The following CEP128 variants were observed in gnomAD, a reference collection of about 807,000 sequenced individuals.
CEP128 encodes the protein centrosomal protein 128, also known as centrosomal protein 128kDa.
In CEP128, 132 loss-of-function variants were observed where a neutral mutation model predicts 156.7. The observed-to-expected ratio is 0.84, with a 90% CI of 0.73 to 0.97. The LOEUF is 0.97. Among genes scored for constraint, CEP128 ranks in the 50% least tolerant of loss-of-function variants. The pLI, the probability that CEP128 is intolerant of heterozygous loss-of-function variation, is 0.00. For missense variants in CEP128, 1,252 were observed against 1,281.9 expected, an observed-to-expected ratio of 0.98 and a Z score of 0.36; for synonymous variants, 469 against 448.9, an observed-to-expected ratio of 1.04 and a Z score of -0.57.
intron 19 of CEP128, among the ~76,000 whole-genome samples, chr14:80,593,620 A>G (rs1193358146): frequency 6.6e-6 from 1 of 152,110 alleles, no homozygotes; most frequent in Non-Finnish European, 1.5e-5. Flanking sequence ...CAACTTCAGC[A>G]AAGTCTCAGG....
intron 3 of CEP128, 48 bp downstream of exon 3, chr14:80,916,353 A>C (rs1174396967): frequency 6.9e-7 from 1 of 1,455,222 alleles, no homozygotes; most frequent in Admixed American, 1.8e-5. Context: ...ACTATTAAGC[A>C]GCTCAAACTA....
intron 9 of CEP128, among the ~76,000 whole-genome samples, chr14:80,843,827 T>G (rs1886461945): frequency 6.6e-6 from 1 of 151,726 alleles, no homozygotes. Flanking sequence ...CATGGAAACT[T>G]TAATTAAAAT....
At chr14:80,674,409 C>A (rs1895981402) in intron 19 of CEP128, among the ~76,000 whole-genome samples, 1 of 152,054 alleles carries the variant, frequency 6.6e-6, no homozygotes, top group Non-Finnish European at 1.5e-5. Context: ...AACAAGTGAT[C>A]CTTCAGTGTT....
chr14:80,519,279 C>A (rs1044821473), intron 23 of CEP128, among the ~76,000 whole-genome samples: 3 of 152,086 alleles, frequency 2.0e-5, no homozygotes, highest in Non-Finnish European at 2.9e-5. Flanking sequence ...CTTTCATAAC[C>A]CACATTGTAA....
intron 20 of CEP128, among the ~76,000 whole-genome samples, chr14:80,572,375 A>G (rs17110796): frequency 0.16 from 23,590 of 152,144 alleles, 1,924 homozygotes; most frequent in South Asian, 0.23. Flanking sequence ...ATTATTGCTG[A>G]GCATTTATTT....
intron 21 of CEP128, among the ~76,000 whole-genome samples, chr14:80,539,188 G>A (rs11847660): frequency 6.6e-6 from 1 of 151,932 alleles, no homozygotes; most frequent in East Asian, 1.9e-4. Context: ...AAACTAACAT[G>A]TTCATAAAAT....
At chr14:80,700,114 C>T (rs531732891) in intron 19 of CEP128, among the ~76,000 whole-genome samples, 62 of 152,240 alleles carry the variant, frequency 4.1e-4, no homozygotes, top group African/African-American at 1.3e-3. Context: ...AATACTATAA[C>T]GCTAGTGAAA....
At chr14:80,659,156 T>C (rs1895293685) in intron 19 of CEP128, among the ~76,000 whole-genome samples, 1 of 152,152 alleles carries the variant, frequency 6.6e-6, no homozygotes, top group Non-Finnish European at 1.5e-5. Flanking sequence ...AAAATAAAAT[T>C]TGCTAATTAA....
At position 80,772,729 on chromosome 14, in the gene CEP128, C is replaced by T. The variant is rs143192249; in HGVS notation, c.2376+5153G>A. 6.6e-3 allele frequency among the ~76,000 whole-genome samples: 1,001 copies of T among 152,210 alleles called. 11 individuals carry two copies. Among genetic ancestry groups the T allele is most frequent in the African/African-American group, 0.023 (942 of 41,510 alleles). ...TGCACCTGCCAATCTGTGTGCTCCC[C>T]CTCCCATAAGAGGTTTCAGTGTGCA... On this transcript the variant is annotated intron_variant, in intron 16 of 24. Transcript: ENST00000555265.
intron 19 of CEP128, among the ~76,000 whole-genome samples, chr14:80,600,027 T>C (rs1322143294): frequency 6.6e-6 from 1 of 152,152 alleles, no homozygotes; most frequent in Non-Finnish European, 1.5e-5. Flanking sequence ...TACGATGTCA[T>C]CAGCACCCCA....
intron 16 of CEP128, among the ~76,000 whole-genome samples, chr14:80,764,556 C>A (rs1044176307): frequency 2.0e-5 from 3 of 152,074 alleles, no homozygotes; most frequent in Non-Finnish European, 4.4e-5. Context: ...ACTTCACTAT[C>A]CTCTGTGGGA....
At chr14:80,833,158 T>C (rs984543163) in intron 12 of CEP128, among the ~76,000 whole-genome samples, 38 of 152,022 alleles carry the variant, frequency 2.5e-4, no homozygotes, top group African/African-American at 7.7e-4. Flanking sequence ...ATTTTATAAA[T>C]ATATGTATTT....
intron 19 of CEP128, among the ~76,000 whole-genome samples, chr14:80,592,541 C>T (rs141379150): frequency 0.025 from 3,747 of 152,204 alleles, 69 homozygotes; most frequent in Non-Finnish European, 0.029. Context: ...CAGGACCAGA[C>T]GGATTCACAG....
At chr14:80,811,197 A>T (rs1012083088) in intron 13 of CEP128, among the ~76,000 whole-genome samples, 1 of 152,140 alleles carries the variant, frequency 6.6e-6, no homozygotes, top group Non-Finnish European at 1.5e-5. Context: ...ATTGATGGGC[A>T]TTTGGGTTGA....
At chr14:80,513,298 C>T (rs1888343177) in intron 23 of CEP128, among the ~76,000 whole-genome samples, 1 of 152,082 alleles carries the variant, frequency 6.6e-6, no homozygotes, top group African/African-American at 2.4e-5. Flanking sequence ...GTCATGCCTG[C>T]CTCTCCTGGC....
intron 2 of CEP128, among the ~76,000 whole-genome samples, chr14:80,947,737 AG>A (rs749782125): frequency 6.6e-6 from 1 of 152,202 alleles, no homozygotes; most frequent in African/African-American, 2.4e-5. Context: ...ACAGAGAAGA[AG>A]GGGGTCCTGG....
chr14:80,652,422 G>C (rs1894947547), intron 19 of CEP128, among the ~76,000 whole-genome samples: 1 of 151,956 alleles, frequency 6.6e-6, no homozygotes, highest in African/African-American at 2.4e-5. Context: ...CAGAATAAGA[G>C]AACAATTTTT....
chr14:80,662,413 AT>A (rs1344780086), intron 19 of CEP128, among the ~76,000 whole-genome samples: 1 of 152,170 alleles, frequency 6.6e-6, no homozygotes, highest in Non-Finnish European at 1.5e-5. Flanking sequence ...GCTAACTACA[AT>A]TTTTTAAAAT....
intron 19 of CEP128, among the ~76,000 whole-genome samples, chr14:80,671,247 A>C (rs1323644285): frequency 4.6e-5 from 7 of 152,182 alleles, no homozygotes; most frequent in Non-Finnish European, 8.8e-5. Context: ...AAATAAATAA[A>C]AGCAAATAGA....
Sources: gnomAD v4.1 joint callset for allele counts (sites outside exome capture counted in the v4.1 genomes callset) on GRCh38, gnomAD v4.1.1 for gene constraint, MANE v1.5 for transcripts, NCBI Gene and HGNC (gene_info 2026-07-23, HGNC 2026-07-21) for gene names.